Variants in SEM1 observed in about 807,000 individuals in gnomAD.
SEM1 encodes the protein SEM1 26S proteasome subunit, also known as 26S proteasome complex subunit SEM1.
SEM1 carries 3 observed loss-of-function variants against 12.7 expected under a neutral mutation model. The ratio of observed to expected loss-of-function variants is 0.24; its 90% CI spans 0.11 to 0.61. The LOEUF (loss-of-function observed/expected upper bound fraction) is 0.61, where lower values mean the gene tolerates loss of function less well. SEM1 is among the 20% of genes least tolerant of loss of function. The probability of loss-of-function intolerance (pLI) is 0.88; values close to 1 mark genes in which losing one functional copy is unlikely to be tolerated. For synonymous variants in SEM1, 30 were observed against 27.8 expected, an observed-to-expected ratio of 1.08 and a Z score of -0.25; for missense variants, 59 against 81.3, an observed-to-expected ratio of 0.73 and a Z score of 1.06.
At chr7:96,590,995 C>A (rs1373340018) in intron 2 of SEM1, among the ~76,000 whole-genome samples, 1 of 152,046 alleles carries the variant, frequency 6.6e-6, no homozygotes, top group Non-Finnish European at 1.5e-5. Flanking sequence ...ATACCAGGAC[C>A]AAGATTTAAA....
intron 1 of SEM1, among the ~76,000 whole-genome samples, chr7:96,490,807 A>G (rs1213628254): frequency 1.3e-5 from 2 of 151,992 alleles, no homozygotes; most frequent in Non-Finnish European, 2.9e-5. Flanking sequence ...ATCACAATCA[A>G]AATTGTCCAG....
rs537619983 is a variant in SEM1 at position 96,596,762 on chromosome 7, T to C, written c.171-90064A>G. The stretch of plus-strand genomic sequence containing the variant: ...CTGGAAAAATGATCCAGAGCTTTCT[T>C]TCTCTCTCTTTTTTGTCTTTGTCAA... On this transcript the variant is annotated intron_variant and NMD_transcript_variant, in intron 2 of 3. Coordinates refer to the SEM1 transcript ENST00000466986. 2.6e-5 allele frequency among the ~76,000 whole-genome samples: 4 copies of C among 152,308 alleles called. No individual in the cohort carries two copies. The South Asian group carries it at 8.3e-4, about 32-fold the overall frequency.
intron 2 of SEM1, among the ~76,000 whole-genome samples, chr7:96,639,272 C>A (rs1330651947): frequency 6.6e-6 from 1 of 151,712 alleles, no homozygotes; most frequent in Non-Finnish European, 1.5e-5. Context: ...TGCTTTCGAA[C>A]AATGAAAAAG....
At chr7:96,538,454 G>A (rs1189417712) in intron 2 of SEM1, among the ~76,000 whole-genome samples, 1 of 151,870 alleles carries the variant, frequency 6.6e-6, no homozygotes, top group Non-Finnish European at 1.5e-5. Flanking sequence ...CTGGCTAAAA[G>A]TTGGATTGTG....
intron 2 of SEM1, among the ~76,000 whole-genome samples, chr7:96,651,867 C>T (rs1808999959): frequency 6.6e-6 from 1 of 152,202 alleles, no homozygotes; most frequent in Non-Finnish European, 1.5e-5. Flanking sequence ...GTCACCACAC[C>T]TGGCTGCAAA....
At chr7:96,650,630 ACCC>A in intron 2 of SEM1, 1 of 647,956 alleles carries the variant, frequency 1.5e-6, no homozygotes, top group Non-Finnish European at 2.8e-6. Context: ...TTTAAATGAA[ACCC>A]CCCAAGTTCC....
chr7:96,552,804 C>A (rs1220054931), intron 2 of SEM1, among the ~76,000 whole-genome samples: 1 of 151,918 alleles, frequency 6.6e-6, no homozygotes, highest in African/African-American at 2.4e-5. Flanking sequence ...AGTTTACAGT[C>A]CCACCAACAG....
intron 2 of SEM1, among the ~76,000 whole-genome samples, chr7:96,598,847 T>G (rs1436821402): frequency 6.6e-6 from 1 of 152,172 alleles, no homozygotes; most frequent in Non-Finnish European, 1.5e-5. Context: ...AAAAATTTTT[T>G]TAAACTTCCA....
At chr7:96,651,323 A>G (rs1428119984) in intron 2 of SEM1, among the ~76,000 whole-genome samples, 4 of 152,210 alleles carry the variant, frequency 2.6e-5, no homozygotes, top group African/African-American at 9.7e-5. Context: ...TTTTTCAAAG[A>G]TAACTATTAA....
chr7:96,584,212 C>T (rs1285798755), intron 2 of SEM1, among the ~76,000 whole-genome samples: 1 of 152,032 alleles, frequency 6.6e-6, no homozygotes, highest in African/African-American at 2.4e-5. Flanking sequence ...TATTTTATTT[C>T]TCCTTCATTT....
chr7:96,699,375 G>T (rs767054924), intron 1 of SEM1, among the ~76,000 whole-genome samples: 39 of 152,016 alleles, frequency 2.6e-4, no homozygotes, highest in Non-Finnish European at 3.4e-4. Flanking sequence ...AATTAATTCT[G>T]CTGGGTTAAT....
chr7:96,520,665 G>T (rs755233752), intron 2 of SEM1, among the ~76,000 whole-genome samples: 4 of 152,082 alleles, frequency 2.6e-5, no homozygotes, highest in Non-Finnish European at 4.4e-5. Flanking sequence ...CCGTGGTATA[G>T]GTTAAGAGGC....
chr7:96,650,572 T>C, intron 2 of SEM1: 1 of 720,808 alleles, frequency 1.4e-6, no homozygotes, highest in Non-Finnish European at 2.5e-6. Flanking sequence ...CACAGATTTG[T>C]AAATAACAAC....
intron 2 of SEM1, among the ~76,000 whole-genome samples, chr7:96,534,034 A>C (rs957217863): frequency 6.6e-6 from 1 of 152,102 alleles, no homozygotes; most frequent in Non-Finnish European, 1.5e-5. Context: ...ACTCAAGTAC[A>C]ATATACATCT....
intron 2 of SEM1, among the ~76,000 whole-genome samples, chr7:96,625,581 A>T (rs959107230): frequency 6.6e-6 from 1 of 152,180 alleles, no homozygotes; most frequent in Non-Finnish European, 1.5e-5. Context: ...AAAGTTTAGG[A>T]TCTAAGCTAC....
intron 3 of SEM1, chr7:96,506,609 T>C (rs1193568318): frequency 6.6e-6 from 1 of 152,092 alleles, no homozygotes; most frequent in Non-Finnish European, 1.5e-5. Flanking sequence ...ATTAAATTTA[T>C]TTAATATACT....
intron 2 of SEM1, among the ~76,000 whole-genome samples, chr7:96,636,371 C>T (rs142195039): frequency 2.0e-5 from 3 of 151,942 alleles, no homozygotes; most frequent in East Asian, 1.9e-4. Flanking sequence ...TCATGAGCAA[C>T]GTTACTAGAG....
At chr7:96,705,371 A>C (rs1404885146) in intron 1 of SEM1, among the ~76,000 whole-genome samples, 1 of 152,094 alleles carries the variant, frequency 6.6e-6, no homozygotes, top group African/African-American at 2.4e-5. Flanking sequence ...AAAAAAAAAA[A>C]AAAACCCTTT....
At position 96,678,782 on chromosome 7, in the gene SEM1, G is replaced by GA. The variant is rs1486782193; in HGVS notation, c.171-4924dup. On this transcript the variant is annotated intron_variant, in intron 2 of 2. Coordinates refer to the SEM1 transcript ENST00000413065. Reference sequence around the variant, plus strand: ...GTTTAATTTGGATAAGAAAAATTAAGAAAAAAGCTTTACATGGAAAAATAA... The same window carrying GA: ...GTTTAATTTGGATAAGAAAAATTAAGAAAAAAAGCTTTACATGGAAAAATAA... 3.4e-4 allele frequency among the ~76,000 whole-genome samples: 52 copies of GA among 152,058 alleles called. 1 individual carries two copies. Among genetic ancestry groups the GA allele is most frequent in the Admixed American group, 1.7e-3 (26 of 15,250 alleles).
Sources: gnomAD v4.1 joint callset for allele counts (sites outside exome capture counted in the v4.1 genomes callset) on GRCh38, gnomAD v4.1.1 for gene constraint, MANE v1.5 for transcripts, NCBI Gene and HGNC (gene_info 2026-07-23, HGNC 2026-07-21) for gene names.